CLASP1: variants seen among roughly 807,000 people sequenced by gnomAD.
CLASP1 encodes cytoplasmic linker associated protein 1, also known as CLIP-associating protein 1.
In CLASP1, 38 loss-of-function variants were observed where a neutral mutation model predicts 192.3. That is an observed-to-expected ratio of 0.20 (90% CI 0.15 to 0.26). The LOEUF is 0.26. CLASP1 is among the 10% of genes least tolerant of loss of function. CLASP1 has a pLI of 1.00. For missense variants in CLASP1, 1,433 were observed against 1,932.5 expected, an observed-to-expected ratio of 0.74 and a Z score of 4.85; for synonymous variants, 691 against 712.8, an observed-to-expected ratio of 0.97 and a Z score of 0.49.
chr2:121,420,593 G>A (rs2079313986), intron 22 of CLASP1, among the ~76,000 whole-genome samples: 1 of 152,204 alleles, frequency 6.6e-6, no homozygotes, highest in Non-Finnish European at 1.5e-5. Flanking sequence ...GAAGGGTACT[G>A]TGAGATAATG....
intron 13 of CLASP1, among the ~76,000 whole-genome samples, chr2:121,458,278 T>C (rs1200224491): frequency 6.6e-6 from 1 of 152,148 alleles, no homozygotes; most frequent in East Asian, 1.9e-4. Flanking sequence ...TTGAAAGTGG[T>C]GGGGAGGTAA....
At chr2:121,363,175 C>G in exon 37 of CLASP1, 1 of 1,614,016 alleles carries the variant, frequency 6.2e-7, no homozygotes, top group Non-Finnish European at 8.5e-7. Flanking sequence ...GACTCACCTC[C>G]TTATGGGAGT....
At chr2:121,467,417 C>T (rs1474359635) in intron 9 of CLASP1, among the ~76,000 whole-genome samples, 13 of 152,300 alleles carry the variant, frequency 8.5e-5, no homozygotes, top group Admixed American at 7.8e-4. Context: ...TTAATTTACA[C>T]TCCCATCAAC....
In CLASP1 at chr2:121,648,865, C is replaced by T. The variant is rs373400697; in HGVS notation, c.-286+507G>A. Among the ~76,000 whole-genome samples, 8 of 152,376 alleles carry T rather than the reference C, an allele frequency of 5.3e-5. No homozygotes were observed. In the East Asian group the frequency reaches 7.7e-4, roughly 15 times the overall value. ...GCCGCTCGCGCAGCTTTTGTCTGGC[C>T]CGGTTGGGAGCCCAGGACGGGAGCC... On this transcript the variant is annotated intron_variant, in intron 1 of 39. Transcript: ENST00000263710.
chr2:121,638,022 C>T (rs1433581454), intron 1 of CLASP1, among the ~76,000 whole-genome samples: 3 of 151,892 alleles, frequency 2.0e-5, no homozygotes, highest in South Asian at 2.1e-4. Flanking sequence ...AGTAAAAAGA[C>T]AACCTACCCA....
At chr2:121,385,291 T>G (rs943790590) in intron 32 of CLASP1, among the ~76,000 whole-genome samples, 1 of 152,196 alleles carries the variant, frequency 6.6e-6, no homozygotes, top group African/African-American at 2.4e-5. Flanking sequence ...ATTTACACAC[T>G]GAATGACGGC....
At chr2:121,436,684 T>C (rs2082366716) in intron 19 of CLASP1, among the ~76,000 whole-genome samples, 5 of 152,302 alleles carry the variant, frequency 3.3e-5, no homozygotes, top group Admixed American at 6.5e-5. Context: ...GTGCTGGGAT[T>C]ATAGGCATGA....
At chr2:121,620,499 G>A (rs576809261) in intron 1 of CLASP1, among the ~76,000 whole-genome samples, 19 of 152,092 alleles carry the variant, frequency 1.2e-4, no homozygotes, top group African/African-American at 4.1e-4. Flanking sequence ...ACAGGTACGC[G>A]TCACCACGCC....
In CLASP1 at chr2:121,363,313, G is replaced by T. The variant is rs1196864881; in HGVS notation, c.4078-13C>A. On this transcript the variant is annotated splice_polypyrimidine_tract_variant and intron_variant, in intron 36 of 39. Coordinates refer to ENST00000263710, the Ensembl canonical transcript of CLASP1. The stretch of plus-strand genomic sequence containing the variant: ...CTCGAATTGAATGCTAGAATACAAA[G>T]GGAAAGGAAGACATCACCAAACACC... The T allele has an allele frequency of 1.9e-6, 3 of 1,612,938 alleles. No homozygotes were observed. The highest frequency in any genetic ancestry group is 2.5e-6 in the Non-Finnish European group (3 of 1,179,646).
intron 2 of CLASP1, among the ~76,000 whole-genome samples, chr2:121,600,409 G>C (rs938816222): frequency 1.3e-5 from 2 of 152,190 alleles, no homozygotes; most frequent in African/African-American, 4.8e-5. Context: ...AGTTGTCCAT[G>C]GTTACAAGCA....
At chr2:121,476,878 G>A (rs2091687888) in intron 8 of CLASP1, among the ~76,000 whole-genome samples, 1 of 152,174 alleles carries the variant, frequency 6.6e-6, no homozygotes, top group African/African-American at 2.4e-5. Context: ...AGGATAATGA[G>A]CCCAAAGGCG....
chr2:121,471,799 T>C (rs1039810898), intron 8 of CLASP1, among the ~76,000 whole-genome samples: 4 of 152,194 alleles, frequency 2.6e-5, no homozygotes, highest in African/African-American at 9.7e-5. Context: ...GTTCTTTCAA[T>C]CCATACATCC....
intron 20 of CLASP1, among the ~76,000 whole-genome samples, chr2:121,429,429 G>A (rs980924689): frequency 6.6e-6 from 1 of 152,200 alleles, no homozygotes; most frequent in East Asian, 1.9e-4. Context: ...GAGGAGGTGG[G>A]CCCCTTAAAG....
intron 6 of CLASP1, among the ~76,000 whole-genome samples, chr2:121,522,311 A>G (rs1175164247): frequency 6.6e-6 from 1 of 152,150 alleles, no homozygotes; most frequent in African/African-American, 2.4e-5. Flanking sequence ...GGTGGGGGAA[A>G]TGAAAAAACA....
rs546512177 is a variant in CLASP1, at chr2:121,381,897, C to T, written c.3491+311G>A. 2.6e-5 allele frequency among the ~76,000 whole-genome samples: 4 copies of T among 152,298 alleles called. No homozygotes were observed. In the South Asian group the frequency reaches 8.3e-4, roughly 32 times the overall value. On this transcript the variant is annotated intron_variant, in intron 33 of 39. Coordinates refer to ENST00000263710, the Ensembl canonical transcript of CLASP1. ...ACTATTGCCCACGCTGACCTCACAG[C>T]ATTTCCTGAGGTCTTTCTGGGGGCT...
At chr2:121,587,325 C>A (rs555807990) in intron 2 of CLASP1, among the ~76,000 whole-genome samples, 1 of 152,208 alleles carries the variant, frequency 6.6e-6, no homozygotes, top group Non-Finnish European at 1.5e-5. Context: ...GCCCTCCCCC[C>A]ATCCTTAGAA....
At chr2:121,387,086 T>G (rs1245893723) in intron 32 of CLASP1, 36 bp downstream of exon 33, 1 of 1,542,406 alleles carries the variant, frequency 6.5e-7, no homozygotes, top group Non-Finnish European at 8.9e-7. Flanking sequence ...TGCTTTAGTT[T>G]CTTTACATCT....
intron 30 of CLASP1, 104 bp from the exon 32 acceptor site, chr2:121,388,010 G>A (rs1342674519): frequency 2.3e-6 from 2 of 879,770 alleles, no homozygotes; most frequent in Non-Finnish European, 3.4e-6. Flanking sequence ...TCACTAATAA[G>A]AGGGCATTCT....
intron 1 of CLASP1, among the ~76,000 whole-genome samples, chr2:121,635,200 T>C (rs937485338): frequency 3.5e-5 from 5 of 143,470 alleles, no homozygotes; most frequent in African/African-American, 5.6e-5. Context: ...CAAAGCGAGA[T>C]TGCGTCTGTA....
Sources: allele counts gnomAD v4.1 joint callset (sites outside exome capture counted in the v4.1 genomes callset), GRCh38; gene constraint gnomAD v4.1.1; transcripts MANE v1.5; gene names NCBI Gene and HGNC (gene_info 2026-07-23, HGNC 2026-07-21).